AAAS: variants seen among roughly 807,000 people sequenced by gnomAD.
AAAS encodes aladin WD repeat nucleoporin.
AAAS carries 60 observed loss-of-function variants against 75.6 expected under a neutral mutation model. That is an observed-to-expected ratio of 0.79 (90% CI 0.64 to 0.98). AAAS has a LOEUF of 0.98. Ranked by LOEUF, AAAS falls within the 50% of genes least tolerant of loss-of-function variation. AAAS has a pLI of 0.00. For synonymous variants in AAAS, 271 were observed against 265.0 expected (o/e 1.02, Z -0.22); for missense variants, 658 against 686.9 (o/e 0.96, Z 0.47).
At position 53,313,385 on chromosome 12, in the gene AAAS, C is replaced by T. The variant is rs146857615; in HGVS notation, c.689+913G>A. 8.6e-3 allele frequency among the ~76,000 whole-genome samples: 1,310 copies of T among 151,840 alleles called. 50 individuals are homozygous for T. The highest frequency in any genetic ancestry group is 0.049 in the East Asian group (255 of 5,162). On this transcript the variant is annotated intron_variant, in intron 7 of 15. Coordinates refer to ENST00000209873, the MANE Select transcript of AAAS (RefSeq NM_015665.6). ...TTCGCCATGTTGGCCAGGCTGGTTT[C>T]GAACTCCTGGCCTCAAGAAATCCAC...
chr12:53,314,456 C>G lies in AAAS; in HGVS notation c.546-15G>C. 1 of 1,613,710 alleles carries G rather than the reference C, an allele frequency of 6.2e-7. No homozygotes were observed. On this transcript the variant is annotated splice_polypyrimidine_tract_variant and intron_variant, in intron 6 of 15. Transcript: ENST00000209873. ...GGACTATGGTGCTAGGGTGAAGGGG[C>G]AGGAAACTGAGTCAAGGCAGGAACA...
At chr12:53,315,594 T>C (rs1379244357) in intron 3 of AAAS, 133 bp downstream of exon 3, 4 of 1,267,502 alleles carry the variant, frequency 3.2e-6, no homozygotes, top group African/African-American at 1.5e-5. Flanking sequence ...TCTGGGTTAT[T>C]TGGGTAGGTA....
At position 53,313,112 on chromosome 12, in the gene AAAS, T is replaced by G. The variant is rs544152500; in HGVS notation, c.689+1186A>C. On this transcript the variant is annotated intron_variant, in intron 7 of 15. Coordinates refer to ENST00000209873, the MANE Select transcript of AAAS (RefSeq NM_015665.6). ...ACCTCATGATCCACCCGCCTCAGCC[T>G]CCCAAAGTGCTGGGATTACAGGCGT... Among the ~76,000 whole-genome samples the G allele has an allele frequency of 5.1e-3, 752 of 148,752 alleles. 1 individual carries two copies. Among genetic ancestry groups the G allele is most frequent in the African/African-American group, 0.018 (711 of 40,468 alleles).
At chr12:53,313,642 T>C (rs1447087541) in intron 7 of AAAS, among the ~76,000 whole-genome samples, 2 of 150,632 alleles carry the variant, frequency 1.3e-5, no homozygotes, top group African/African-American at 4.9e-5. Flanking sequence ...AGAGTCTCGC[T>C]CTGTTGCCCA....
At chr12:53,314,551 G>C (rs1944435904) in intron 6 of AAAS, 110 bp from the exon 7 acceptor site, 1 of 1,503,896 alleles carries the variant, frequency 6.6e-7, no homozygotes, top group Non-Finnish European at 9.2e-7. Context: ...TCCATCCAGG[G>C]GCCAGGGGCA....
intron 1 of AAAS, 83 bp downstream of exon 1, chr12:53,321,260 C>T (rs1944549597): frequency 1.4e-5 from 22 of 1,571,228 alleles, no homozygotes; most frequent in Non-Finnish European, 1.8e-5. Context: ...GTGACCCTGC[C>T]CCTGTCACAC....
At chr12:53,308,675 T>G (rs1382343536) in intron 11 of AAAS, 50 bp downstream of exon 11, 3 of 1,607,778 alleles carry the variant, frequency 1.9e-6, no homozygotes, top group East Asian at 2.2e-5. Flanking sequence ...TACCAAAGGT[T>G]GCTGCCTCCC....
chr12:53,317,197 G>A (rs925377683), intron 2 of AAAS, among the ~76,000 whole-genome samples: 1 of 152,150 alleles, frequency 6.6e-6, no homozygotes, highest in South Asian at 2.1e-4. Context: ...GGCCAAGGCA[G>A]GTGGATCACG....
rs577806372 is a variant in AAAS at position 53,320,990 on chromosome 12, C to A, written c.124-298G>T. On this transcript the variant is annotated intron_variant, in intron 1 of 15. Coordinates refer to ENST00000209873, the MANE Select transcript of AAAS (RefSeq NM_015665.6). Reference sequence around the variant, plus strand: ...GCTCAATAAATGTCAGTTTCCCTTCCTTGTCCTTCCCAGGAACACCATGGA... The same window carrying A: ...GCTCAATAAATGTCAGTTTCCCTTCATTGTCCTTCCCAGGAACACCATGGA... 2.4e-5 allele frequency: 13 copies of A among 534,580 alleles called. No individual in the cohort carries two copies. The South Asian group carries it at 2.7e-4, about 11-fold the overall frequency. The allele number at this position is 534,580 out of a possible 1,614,324, so 33.1% of individuals were successfully genotyped here. A position where few individuals can be genotyped will look rare whatever the true frequency, so the allele number is the denominator to read the frequency against.
chr12:53,320,785 TAA>T, intron 1 of AAAS, 93 bp from the exon 2 acceptor site: 2 of 1,451,448 alleles, frequency 1.4e-6, no homozygotes, highest in Non-Finnish European at 1.9e-6. Context: ...GGGCTAAGTA[TAA>T]GAGATTCCAG....
chr12:53,318,243 T>TGTGTGTGTGTGTGC (rs752221609), intron 2 of AAAS, among the ~76,000 whole-genome samples: 4 of 118,962 alleles, frequency 3.4e-5, no homozygotes, highest in African/African-American at 6.4e-5. Flanking sequence ...TGTGTGTGTG[T>TGTGTGTGTGTGTGC]GCGTGTGTGT....
At chr12:53,320,801 T>G in intron 1 of AAAS, 109 bp from the exon 2 acceptor site, 1 of 1,317,762 alleles carries the variant, frequency 7.6e-7, no homozygotes, top group Non-Finnish European at 1.1e-6. Context: ...ATTCCAGAGG[T>G]CTGTTTCCCA....
rs762352745 is a variant in AAAS, at chr12:53,315,362, G to T, written c.372C>A (p.Leu124=). The T allele has an allele frequency of 6.2e-7, 1 of 1,614,180 alleles. No individual in the cohort carries two copies. The change falls in exon 4 of 16, where the codon CTC becomes CTA. Residue 124 remains leucine, a synonymous_variant. Transcript: ENST00000209873. ...ALALCRWASS[L]HGSLFPHLSL... is the part of the protein sequence containing the mutation. ...ACAGATGGGGGAACAGGGACCCATG[G>T]AGGGAAGAGGCCCATCGACAGAGTG...
Position 53,314,732 on chromosome 12 carries a change from C to G in AAAS, c.545+19G>C, listed in dbSNP as rs1397206303. 6.2e-7 allele frequency: 1 copy of G among 1,610,090 alleles called. No homozygotes were observed. Among genetic ancestry groups the G allele is most frequent in the Non-Finnish European group, 8.5e-7 (1 of 1,177,798 alleles). On this transcript the variant is annotated intron_variant, in intron 6 of 15. Coordinates refer to ENST00000209873, the MANE Select transcript of AAAS (RefSeq NM_015665.6). ...GTGATATTGACAAGTCAGAGCCCAC[C>G]TGGTGTCCCCACACACACCTGCTGG...
chr12:53,316,436 CA>C (rs1412807654), intron 2 of AAAS, among the ~76,000 whole-genome samples: 1 of 146,798 alleles, frequency 6.8e-6, no homozygotes, highest in African/African-American at 2.5e-5. Flanking sequence ...GCCTGGGCGA[CA>C]GAGTGAGACT....
chr12:53,310,366 T>A (rs1014042964), intron 7 of AAAS, among the ~76,000 whole-genome samples: 2 of 152,208 alleles, frequency 1.3e-5, no homozygotes, highest in Non-Finnish European at 2.9e-5. Flanking sequence ...GAGACCATTC[T>A]GGCCAACATG....
Position 53,313,155 on chromosome 12 carries a change from CTTTT to C in AAAS, c.689+1139_689+1142del, listed in dbSNP as rs34324648. Among the ~76,000 whole-genome samples, 87 of 62,562 alleles carry C rather than the reference CTTTT, an allele frequency of 1.4e-3. 1 individual carries two copies. Among genetic ancestry groups the C allele is most frequent in the Non-Finnish European group, 2.4e-3 (76 of 31,802 alleles). 41.0% of individuals were successfully genotyped at this position (62,562 alleles called of 152,430 possible). A position where few individuals can be genotyped will look rare whatever the true frequency, so the allele number is the denominator to read the frequency against. ...ACAGGCGTGAGCCACCGCGCCTGGCCTTTTTTTTTTTTTTTTTTTTGAGACAGGG... is the reference window on the plus strand; with the variant it reads ...ACAGGCGTGAGCCACCGCGCCTGGCCTTTTTTTTTTTTTTTTGAGACAGGG... On this transcript the variant is annotated intron_variant, in intron 7 of 15. Coordinates refer to ENST00000209873, the MANE Select transcript of AAAS (RefSeq NM_015665.6).
rs1340872302 is a variant in AAAS, at chr12:53,315,342, T to G, written c.392A>C (p.His131Pro). ...GGAGGAAGCCAAACTTACAGACAGA[T>G]GGGGGAACAGGGACCCATGGAGGGA... ...ASSLHGSLFPHLSLRSEDLIA... is the reference protein window; with the variant it reads ...ASSLHGSLFPPLSLRSEDLIA... Residue 131 changes from histidine to proline, a missense_variant, in exon 4 of 16, where the codon CAT (histidine) becomes CCT (proline). Physicochemically the swap from His to Pro is moderately conservative, Grantham distance 77. Transcript: ENST00000209873. The G allele has an allele frequency of 6.2e-7, 1 of 1,613,970 alleles. No individual in the cohort carries two copies. Among genetic ancestry groups the G allele is most frequent in the South Asian group, 1.1e-5 (1 of 91,076 alleles).
intron 2 of AAAS, among the ~76,000 whole-genome samples, chr12:53,318,755 G>A (rs1944506372): frequency 1.3e-5 from 2 of 152,090 alleles, no homozygotes; most frequent in Non-Finnish European, 2.9e-5. Flanking sequence ...TGAAGTCTGC[G>A]AAATATTCAA....
Sources: allele counts gnomAD v4.1 joint callset (sites outside exome capture counted in the v4.1 genomes callset), GRCh38; gene constraint gnomAD v4.1.1; transcripts MANE v1.5; gene names NCBI Gene and HGNC (gene_info 2026-07-23, HGNC 2026-07-21).